The following HPD variants were observed in gnomAD, a reference collection of about 807,000 sequenced individuals.
The protein encoded by HPD is 4-hydroxyphenylpyruvic acid oxidase.
In HPD, 35 loss-of-function variants were observed where a neutral mutation model predicts 56.9. The observed-to-expected ratio is 0.62, with a 90% CI of 0.47 to 0.82. The LOEUF (loss-of-function observed/expected upper bound fraction) is 0.82. HPD is among the 40% of genes least tolerant of loss of function. The pLI is 0.00. For missense variants in HPD, 442 were observed against 506.8 expected (o/e 0.87, Z 1.23); for synonymous variants, 186 against 200.2 (o/e 0.93, Z 0.60).
At chr12:121,841,621 G>A (rs576229768) in intron 12 of HPD, among the ~76,000 whole-genome samples, 5 of 151,886 alleles carry the variant, frequency 3.3e-5, no homozygotes, top group South Asian at 2.1e-4. Context: ...CACACCCCAC[G>A]CAGATGAACC....
chr12:121,869,143 A>C, the HPD span, among the ~76,000 whole-genome samples: 1 of 151,920 alleles, frequency 6.6e-6, no homozygotes, highest in Non-Finnish European at 1.5e-5. Context: ...TGAGGTCAGG[A>C]GTTCGAGACC....
the HPD span, among the ~76,000 whole-genome samples, chr12:121,883,718 C>T: frequency 1.4e-4 from 21 of 148,546 alleles, no homozygotes; most frequent in Non-Finnish European, 2.1e-4. Context: ...TGGGTCTTGC[C>T]ACGTTGCTCA....
chr12:121,849,796 G>A lies in HPD; in HGVS notation c.415-6C>T. Reference sequence around the variant, plus strand: ...GTGTGTGTGGTGTCCCCATACTACGGGTGGAAAACAGCCTGGCTCGGCCCC... The same window carrying A: ...GTGTGTGTGGTGTCCCCATACTACGAGTGGAAAACAGCCTGGCTCGGCCCC... On this transcript the variant is annotated splice_region_variant and splice_polypyrimidine_tract_variant and intron_variant, in intron 7 of 13. Transcript: ENST00000289004. 1 of 1,601,058 alleles carries A rather than the reference G, an allele frequency of 6.2e-7. No individual in the cohort carries two copies. Among genetic ancestry groups the A allele is most frequent in the Non-Finnish European group, 8.6e-7 (1 of 1,168,618 alleles).
intron 9 of HPD, among the ~76,000 whole-genome samples, chr12:121,847,839 A>G (rs566199013): frequency 6.6e-6 from 1 of 151,800 alleles, no homozygotes; most frequent in East Asian, 1.9e-4. Context: ...GCCCGGCCGT[A>G]TTTTTTGTAG....
chr12:121,848,905 C>G, intron 9 of HPD, 94 bp downstream of exon 9: 1 of 949,946 alleles, frequency 1.1e-6, no homozygotes, highest in East Asian at 2.4e-5. Context: ...TGCACCCAGT[C>G]GTATTTTCCA....
At chr12:121,844,755 C>T (rs1245134150) in intron 11 of HPD, among the ~76,000 whole-genome samples, 4 of 151,706 alleles carry the variant, frequency 2.6e-5, no homozygotes, top group African/African-American at 4.8e-5. Flanking sequence ...GTGGTGGGAG[C>T]GTGTAGTCCC....
Position 121,849,612 on chromosome 12 carries a change from G to A in HPD, c.518+75C>T, listed in dbSNP as rs551397702. 1.5e-4 allele frequency: 142 copies of A among 976,744 alleles called. No individual in the cohort carries two copies. The East Asian group carries it at 3.1e-3, about 21-fold the overall frequency. 60.5% of individuals were successfully genotyped at this position (976,744 alleles called of 1,614,324 possible). ...TCTGCCCCAACACACATGCGCAGTG[G>A]ACATGGAGGAAGGGGCATTACTTTT... On this transcript the variant is annotated intron_variant, in intron 8 of 13. Transcript: ENST00000289004.
chr12:121,865,727 T>C (rs1356566044), upstream of HPD, among the ~76,000 whole-genome samples: 1 of 151,406 alleles, frequency 6.6e-6, no homozygotes, highest in African/African-American at 2.4e-5. Context: ...TGGTGGCTCA[T>C]GCCTGTAATC....
the HPD span, among the ~76,000 whole-genome samples, chr12:121,869,823 C>A: frequency 6.6e-6 from 1 of 152,128 alleles, no homozygotes; most frequent in Non-Finnish European, 1.5e-5. Context: ...CCATGCCTGG[C>A]CTTCACTTTC....
At chr12:121,860,413 G>T (rs1878143914), upstream of HPD, among the ~76,000 whole-genome samples, 1 of 152,200 alleles carries the variant, frequency 6.6e-6, no homozygotes, top group Non-Finnish European at 1.5e-5. Flanking sequence ...ACAGCAGTGG[G>T]TTGCAAAGGC....
At position 121,844,079 on chromosome 12, in the gene HPD, G is replaced by A. The variant is rs181657479; in HGVS notation, c.832-247C>T. ...TCTTTTTTTCTTTTTTTTTGAGATG[G>A]AGTCTCTGTTGCCCAGGCTGGAGTG... On this transcript the variant is annotated intron_variant, in intron 11 of 13. Transcript: ENST00000289004. Among the ~76,000 whole-genome samples, 13 of 151,850 alleles carry A rather than the reference G, an allele frequency of 8.6e-5. No individual in the cohort carries two copies. In the East Asian group the frequency reaches 2.3e-3, roughly 27 times the overall value.
intron 7 of HPD, among the ~76,000 whole-genome samples, chr12:121,850,472 CT>C (rs572420297): frequency 0.011 from 1,330 of 120,154 alleles, 17 homozygotes; most frequent in African/African-American, 0.034. Context: ...CTTTAACCAT[CT>C]TTTTTTTTTT....
Position 121,857,659 on chromosome 12 carries a change from C to A in HPD, c.93+98G>T, listed in dbSNP as rs1032002061. ...GCCCACCCCTGGCCTGATCCTCCCT[C>A]CCAAGGGCCAATCACAGACCCTGCT... On this transcript the variant is annotated intron_variant, in intron 3 of 13. Transcript: ENST00000289004. 5.5e-6 allele frequency: 6 copies of A among 1,098,608 alleles called. No individual in the cohort carries two copies. The East Asian group carries it at 1.4e-4, about 26-fold the overall frequency. 68.1% of individuals were successfully genotyped at this position (1,098,608 alleles called of 1,614,324 possible). A position where few individuals can be genotyped will look rare whatever the true frequency, so the allele number is the denominator to read the frequency against.
At chr12:121,857,285 G>T in intron 4 of HPD, 43 bp downstream of exon 4, 1 of 1,257,200 alleles carries the variant, frequency 8.0e-7, no homozygotes, top group Middle Eastern at 1.9e-4. Context: ...TCACCATGTT[G>T]GCCAGGCAGG....
chr12:121,846,304 C>T (rs1877580859), intron 11 of HPD, among the ~76,000 whole-genome samples: 1 of 152,174 alleles, frequency 6.6e-6, no homozygotes, highest in Non-Finnish European at 1.5e-5. Context: ...GCAACCTCTA[C>T]CTCCTGAGTT....
At position 121,853,988 on chromosome 12, in the gene HPD, G is replaced by A. The variant is rs140854683; in HGVS notation, c.414+715C>T. ...AAAAAGGCCGGGCACAGTGGCCCAC[G>A]CCTGTAATCCCAGCACTTTGGGAGG... On this transcript the variant is annotated intron_variant, in intron 7 of 13. Coordinates refer to ENST00000289004, the MANE Select transcript of HPD (RefSeq NM_002150.3). Among the ~76,000 whole-genome samples, 1,336 of 151,822 alleles carry A rather than the reference G, an allele frequency of 8.8e-3. 19 individuals are homozygous for A. Among genetic ancestry groups the A allele is most frequent in the African/African-American group, 0.031 (1,263 of 41,394 alleles).
At chr12:121,845,356 G>A (rs1382774273) in intron 11 of HPD, among the ~76,000 whole-genome samples, 2 of 149,362 alleles carry the variant, frequency 1.3e-5, no homozygotes, top group African/African-American at 5.1e-5. Flanking sequence ...CAGCACTTTG[G>A]GAGGCCAAGG....
rs771558715 is a variant in HPD at position 121,858,839 on chromosome 12, A to G, written c.-16T>C. 7 of 1,614,130 alleles carry G rather than the reference A, an allele frequency of 4.3e-6. No homozygotes were observed. The highest frequency in any genetic ancestry group is 5.1e-6 in the Non-Finnish European group (6 of 1,179,992). ...CACTTACCATGATTGATCTTAGTCA[A>G]ACCTCCTACTGGGACTAGAGGCCTG... On this transcript the variant is annotated 5_prime_UTR_variant, in exon 1 of 14. Coordinates refer to ENST00000289004, the MANE Select transcript of HPD (RefSeq NM_002150.3).
the HPD span, among the ~76,000 whole-genome samples, chr12:121,883,112 G>A: frequency 2.6e-5 from 4 of 151,972 alleles, no homozygotes; most frequent in South Asian, 2.1e-4. Flanking sequence ...CTAAGACCCA[G>A]TGCTAAGAGA....
Sources: allele counts gnomAD v4.1 joint callset (sites outside exome capture counted in the v4.1 genomes callset), GRCh38; gene constraint gnomAD v4.1.1; transcripts MANE v1.5; gene names NCBI Gene and HGNC (gene_info 2026-07-23, HGNC 2026-07-21).